The following ADAMTS6 variants were observed in gnomAD, a reference collection of about 807,000 sequenced individuals.
The protein encoded by ADAMTS6 is ADAM metallopeptidase with thrombospondin type 1 motif 6, also known as A disintegrin and metalloproteinase with thrombospondin motifs 6.
In ADAMTS6, 23 loss-of-function variants were observed where a neutral mutation model predicts 144.3. The ratio of observed to expected loss-of-function variants is 0.16; its 90% CI spans 0.11 to 0.23. ADAMTS6 has a LOEUF of 0.23. Ranked by LOEUF, ADAMTS6 falls within the 10% of genes least tolerant of loss-of-function variation. The pLI is 1.00. For synonymous variants in ADAMTS6, 444 were observed against 457.5 expected, an observed-to-expected ratio of 0.97 and a Z score of 0.38; for missense variants, 999 against 1,379.6, an observed-to-expected ratio of 0.72 and a Z score of 4.37.
intron 7 of ADAMTS6, among the ~76,000 whole-genome samples, chr5:65,399,971 A>G (rs1753780024): frequency 6.6e-6 from 1 of 151,924 alleles, no homozygotes. Flanking sequence ...GTTTTTGTTC[A>G]TCTGAGAAAG....
chr5:65,396,439 T>C (rs1753346258), intron 7 of ADAMTS6, among the ~76,000 whole-genome samples: 1 of 152,222 alleles, frequency 6.6e-6, no homozygotes, highest in African/African-American at 2.4e-5. Context: ...AACAGACAGA[T>C]ATTTTCTGTC....
intron 14 of ADAMTS6, 50 bp from the exon 15 acceptor site, chr5:65,242,256 A>G (rs1285087345): frequency 2.1e-6 from 3 of 1,411,226 alleles, no homozygotes; most frequent in Admixed American, 1.9e-5. Flanking sequence ...AAATACCAAA[A>G]GCAAGGGACA....
chr5:65,461,365 G>A (rs1266667408), intron 3 of ADAMTS6, among the ~76,000 whole-genome samples: 1 of 152,122 alleles, frequency 6.6e-6, no homozygotes, highest in African/African-American at 2.4e-5. Flanking sequence ...AAGGCAAAGG[G>A]TTATATCTCA....
At chr5:65,173,050 G>A in intron 22 of ADAMTS6, 42 bp from the exon 23 acceptor site, 1 of 1,576,316 alleles carries the variant, frequency 6.3e-7, no homozygotes. Context: ...ACAGTTTAAA[G>A]ACAGAGGAAA....
chr5:65,432,630 A>G (rs990320614), intron 7 of ADAMTS6, among the ~76,000 whole-genome samples: 4 of 152,142 alleles, frequency 2.6e-5, no homozygotes, highest in African/African-American at 9.6e-5. Context: ...CCCATTATGT[A>G]AAGTAATTAA....
chr5:65,441,790 G>A (rs1757873638), intron 7 of ADAMTS6, among the ~76,000 whole-genome samples: 2 of 147,000 alleles, frequency 1.4e-5, no homozygotes, highest in South Asian at 4.3e-4. Context: ...CAGTGGGGGG[G>A]AATTTGGAAC....
chr5:65,250,444 T>C (rs1341156561), intron 14 of ADAMTS6, among the ~76,000 whole-genome samples: 3 of 152,304 alleles, frequency 2.0e-5, no homozygotes, highest in East Asian at 3.9e-4. Flanking sequence ...TTAATGATCT[T>C]AGGCAATGCA....
intron 7 of ADAMTS6, among the ~76,000 whole-genome samples, chr5:65,387,868 A>G (rs1752599039): frequency 6.6e-6 from 1 of 152,244 alleles, no homozygotes; most frequent in East Asian, 1.9e-4. Context: ...CTTATGCCTT[A>G]GAATACCTAT....
intron 3 of ADAMTS6, among the ~76,000 whole-genome samples, chr5:65,465,655 G>A (rs1320426405): frequency 6.6e-6 from 1 of 152,112 alleles, no homozygotes; most frequent in Non-Finnish European, 1.5e-5. Context: ...TTTTGTCAGG[G>A]TCACCAATAA....
At chr5:65,344,460 ATCTT>A (rs1454132145) in intron 7 of ADAMTS6, among the ~76,000 whole-genome samples, 4 of 151,998 alleles carry the variant, frequency 2.6e-5, no homozygotes, top group Middle Eastern at 3.4e-3. Context: ...TATTTTGAAA[ATCTT>A]TCTAAGTCAG....
At chr5:65,229,817 G>A (rs1417148083) in intron 15 of ADAMTS6, among the ~76,000 whole-genome samples, 1 of 152,026 alleles carries the variant, frequency 6.6e-6, no homozygotes, top group Non-Finnish European at 1.5e-5. Context: ...AATCTTAGGT[G>A]GAAAAGAAAG....
chr5:65,193,774 G>C (rs1019948054), intron 21 of ADAMTS6, among the ~76,000 whole-genome samples: 6 of 152,006 alleles, frequency 3.9e-5, no homozygotes, highest in African/African-American at 1.4e-4. Context: ...AAGCAAAAGT[G>C]GTTAATGCTG....
chr5:65,442,226 T>C (rs1383174079), intron 7 of ADAMTS6, among the ~76,000 whole-genome samples: 2 of 152,096 alleles, frequency 1.3e-5, no homozygotes, highest in Non-Finnish European at 2.9e-5. Context: ...TAGAGGTGAT[T>C]TTACTATACA....
intron 9 of ADAMTS6, among the ~76,000 whole-genome samples, chr5:65,326,526 T>G (rs1193869066): frequency 6.6e-6 from 1 of 152,158 alleles, no homozygotes; most frequent in African/African-American, 2.4e-5. Flanking sequence ...AAGTAAACAC[T>G]GGGTGCAAAA....
chr5:65,215,505 A>G lies in ADAMTS6; in HGVS notation c.2273-18T>C. 4 of 1,592,988 alleles carry G rather than the reference A, an allele frequency of 2.5e-6. No homozygotes were observed. Among genetic ancestry groups the G allele is most frequent in the Non-Finnish European group, 3.4e-6 (4 of 1,170,502 alleles). The stretch of plus-strand genomic sequence containing the variant: ...TTTTAAAGCTAGAAAACAAATCACA[A>G]TTCACCTAAAAATGTGAAATTTCAT... On this transcript the variant is annotated intron_variant, in intron 18 of 24. Coordinates refer to ENST00000381055, the MANE Select transcript of ADAMTS6 (RefSeq NM_197941.4).
chr5:65,328,567 C>T (rs974377374), intron 9 of ADAMTS6, among the ~76,000 whole-genome samples: 6 of 151,574 alleles, frequency 4.0e-5, no homozygotes, highest in Admixed American at 1.3e-4. Context: ...AAATTGGAAG[C>T]TCGTTTGTTT....
intron 7 of ADAMTS6, among the ~76,000 whole-genome samples, chr5:65,346,856 A>T (rs1748367794): frequency 6.6e-6 from 1 of 151,870 alleles, no homozygotes; most frequent in South Asian, 2.1e-4. Context: ...TAAATACGGA[A>T]TACAAAATCA....
intron 15 of ADAMTS6, among the ~76,000 whole-genome samples, chr5:65,229,618 C>T (rs748592298): frequency 3.3e-5 from 5 of 151,910 alleles, no homozygotes; most frequent in Admixed American, 1.3e-4. Context: ...TTAATAAAAA[C>T]AGATTCTGGA....
chr5:65,307,613 C>T (rs1744058171), intron 9 of ADAMTS6, among the ~76,000 whole-genome samples: 2 of 152,170 alleles, frequency 1.3e-5, no homozygotes, highest in Admixed American at 1.3e-4. Flanking sequence ...TACAGCAAGG[C>T]TCCACTCTGC....
Sources: gnomAD v4.1 joint callset for allele counts (sites outside exome capture counted in the v4.1 genomes callset) on GRCh38, gnomAD v4.1.1 for gene constraint, MANE v1.5 for transcripts, NCBI Gene and HGNC (gene_info 2026-07-23, HGNC 2026-07-21) for gene names.